SBF2: variants seen among roughly 807,000 people sequenced by gnomAD.
The protein encoded by SBF2 is SET binding factor 2, also known as myotubularin-related protein 13.
Under a neutral mutation model 225.2 loss-of-function variants are expected in SBF2, and 112 were observed. The observed-to-expected ratio is 0.50, with a 90% CI of 0.43 to 0.58. The LOEUF (loss-of-function observed/expected upper bound fraction) is 0.58. SBF2 is among the 20% of genes least tolerant of loss of function. The pLI is 0.00. For missense variants in SBF2, 1,996 were observed against 2,206.2 expected (o/e 0.90, Z 1.91); for synonymous variants, 763 against 773.3 (o/e 0.99, Z 0.22).
intron 6 of SBF2, among the ~76,000 whole-genome samples, chr11:10,014,025 T>C (rs1368974985): frequency 1.3e-5 from 2 of 152,188 alleles, no homozygotes; most frequent in African/African-American, 4.8e-5. Flanking sequence ...TTTAACTTAG[T>C]TCCTGTGTCC....
rs372071088 is a variant in SBF2, at chr11:10,193,074, T to C, written c.141+828A>G. The stretch of plus-strand genomic sequence containing the variant: ...AACAAAAGGAGTTGAACTGCACTAT[T>C]ATAAAATAACCTTCAGACCTTGTAG... On this transcript the variant is annotated intron_variant, in intron 2 of 39. Coordinates refer to ENST00000256190, the MANE Select transcript of SBF2 (RefSeq NM_030962.4). 7.2e-5 allele frequency among the ~76,000 whole-genome samples: 11 copies of C among 152,302 alleles called. No individual in the cohort carries two copies. The South Asian group carries it at 1.4e-3, about 20-fold the overall frequency.
At chr11:9,982,943 GC>G (rs1947020994) in intron 13 of SBF2, among the ~76,000 whole-genome samples, 1 of 152,206 alleles carries the variant, frequency 6.6e-6, no homozygotes, top group East Asian at 1.9e-4. Flanking sequence ...GGGTCCCAAA[GC>G]AGCCCATTCC....
At chr11:10,089,384 C>T (rs1169520948) in intron 2 of SBF2, among the ~76,000 whole-genome samples, 1 of 152,178 alleles carries the variant, frequency 6.6e-6, no homozygotes, top group Non-Finnish European at 1.5e-5. Flanking sequence ...AACCTACATG[C>T]CAATAAAAGT....
At chr11:9,851,590 G>A (rs1856958874) in intron 21 of SBF2, among the ~76,000 whole-genome samples, 1 of 152,010 alleles carries the variant, frequency 6.6e-6, no homozygotes, top group African/African-American at 2.4e-5. Context: ...GGTCTAATAT[G>A]TTTATTTTTT....
chr11:9,787,942 G>A, intron 35 of SBF2: 1 of 609,890 alleles, frequency 1.6e-6, no homozygotes. Flanking sequence ...GGCAAAGATG[G>A]TTTATTAGGA....
chr11:10,122,426 T>A lies in SBF2; in HGVS notation c.141+71476A>T, dbSNP rs117096326. Among the ~76,000 whole-genome samples, 556 of 152,278 alleles carry A rather than the reference T, an allele frequency of 3.7e-3. 14 individuals are homozygous for A. In the East Asian group the frequency reaches 0.044, roughly 12 times the overall value. On this transcript the variant is annotated intron_variant, in intron 2 of 39. Transcript: ENST00000256190. ...GGGGACTAATATATATTTATGTATT[T>A]TAGAGTGCACAGCTAGAACTCAGAA...
Position 9,917,596 on chromosome 11 carries a change from T to C in SBF2, c.1861-21585A>G, listed in dbSNP as rs571841853. Among the ~76,000 whole-genome samples, 11 of 151,868 alleles carry C rather than the reference T, an allele frequency of 7.2e-5. No individual in the cohort carries two copies. The East Asian group carries it at 2.1e-3, about 29-fold the overall frequency. ...ATCCACCCGCCTCGGCCTCCCAAAG[T>C]GCTGGGATTACAGGCATGAGCCACT... On this transcript the variant is annotated intron_variant, in intron 16 of 39. Transcript: ENST00000256190.
intron 6 of SBF2, among the ~76,000 whole-genome samples, chr11:10,025,349 T>C (rs1286200724): frequency 6.6e-6 from 1 of 152,298 alleles, no homozygotes; most frequent in East Asian, 1.9e-4. Flanking sequence ...TGTGGCCTTT[T>C]ATGGTCTCAA....
At chr11:9,785,687 C>G (rs1356694927) in intron 36 of SBF2, among the ~76,000 whole-genome samples, 4 of 152,078 alleles carry the variant, frequency 2.6e-5, no homozygotes, top group African/African-American at 9.7e-5. Flanking sequence ...CATGGCGAAG[C>G]CCCATTTCTA....
At chr11:10,007,407 A>G (rs1480293593) in intron 6 of SBF2, among the ~76,000 whole-genome samples, 2 of 152,198 alleles carry the variant, frequency 1.3e-5, no homozygotes, top group Non-Finnish European at 2.9e-5. Context: ...TTTTTCTGTA[A>G]CACAGACTGA....
intron 2 of SBF2, among the ~76,000 whole-genome samples, chr11:10,142,403 G>A (rs911697573): frequency 2.0e-5 from 3 of 152,174 alleles, no homozygotes; most frequent in African/African-American, 7.2e-5. Context: ...TGGGATCATT[G>A]TAGAAAGCCT....
intron 17 of SBF2, among the ~76,000 whole-genome samples, chr11:9,862,810 T>G (rs918356873): frequency 1.3e-5 from 2 of 152,148 alleles, no homozygotes; most frequent in Non-Finnish European, 2.9e-5. Context: ...AGAAAAACTT[T>G]CCCAAGACAA....
chr11:10,298,989 C>G (rs956470206), upstream of SBF2, among the ~76,000 whole-genome samples: 1 of 152,084 alleles, frequency 6.6e-6, no homozygotes, highest in African/African-American at 2.4e-5. Flanking sequence ...GCAAACACAC[C>G]ATTTCTACCT....
intron 17 of SBF2, among the ~76,000 whole-genome samples, chr11:9,877,320 T>G (rs1020137553): frequency 6.6e-6 from 1 of 152,236 alleles, no homozygotes; most frequent in African/African-American, 2.4e-5. Context: ...TTTTGTATGC[T>G]CATTAAGAGA....
chr11:10,091,182 T>C (rs796335264), intron 2 of SBF2, among the ~76,000 whole-genome samples: 4 of 152,262 alleles, frequency 2.6e-5, no homozygotes, highest in African/African-American at 9.6e-5. Flanking sequence ...TTAAAAACTA[T>C]ATACAATATG....
intron 2 of SBF2, among the ~76,000 whole-genome samples, chr11:10,174,198 C>A (rs1351010782): frequency 6.6e-6 from 1 of 151,990 alleles, no homozygotes; most frequent in African/African-American, 2.4e-5. Flanking sequence ...AGGCTTCAGA[C>A]GATCAAAGTA....
intron 1 of SBF2, among the ~76,000 whole-genome samples, chr11:10,262,338 G>A (rs1253255423): frequency 1.3e-5 from 2 of 152,100 alleles, no homozygotes; most frequent in African/African-American, 2.4e-5. Context: ...TTTCAACTTC[G>A]TTGTATTTGA....
chr11:10,181,101 C>T (rs975252002), intron 2 of SBF2, among the ~76,000 whole-genome samples: 5 of 152,086 alleles, frequency 3.3e-5, no homozygotes, highest in African/African-American at 1.2e-4. Context: ...TCTAACGCCA[C>T]TTAAACCATC....
chr11:10,026,172 C>T (rs1174734247), intron 6 of SBF2, among the ~76,000 whole-genome samples: 1 of 151,990 alleles, frequency 6.6e-6, no homozygotes, highest in African/African-American at 2.4e-5. Context: ...TCCTCTCCTC[C>T]CCCCTCACAA....
Sources: allele counts gnomAD v4.1 joint callset (sites outside exome capture counted in the v4.1 genomes callset), GRCh38; gene constraint gnomAD v4.1.1; transcripts MANE v1.5; gene names NCBI Gene and HGNC (gene_info 2026-07-23, HGNC 2026-07-21).